The following PIEZO2 variants were observed in gnomAD, a reference collection of about 807,000 sequenced individuals.
PIEZO2 encodes the protein piezo type mechanosensitive ion channel component 2, also known as piezo-type mechanosensitive ion channel component 2.
Under a neutral mutation model 337.3 loss-of-function variants are expected in PIEZO2, and 172 were observed. The observed-to-expected ratio is 0.51, with a 90% confidence interval of 0.45 to 0.58. PIEZO2 has a LOEUF of 0.58. PIEZO2 is among the 20% of genes least tolerant of loss of function. The probability of loss-of-function intolerance (pLI) is 0.00; values close to 1 mark genes in which losing one functional copy is unlikely to be tolerated. For missense variants in PIEZO2, 3,028 were observed against 3,391.3 expected (o/e 0.89, Z 2.66); for synonymous variants, 1,251 against 1,228.5 (o/e 1.02, Z -0.38).
At chr18:10,751,090 T>C (rs1280408179) in intron 28 of PIEZO2, among the ~76,000 whole-genome samples, 2 of 152,246 alleles carry the variant, frequency 1.3e-5, no homozygotes, top group Admixed American at 6.5e-5. Flanking sequence ...AGGCATCCTT[T>C]TGTTTCTCAA....
chr18:10,851,029 A>G (rs959365569), intron 7 of PIEZO2, among the ~76,000 whole-genome samples: 1 of 152,162 alleles, frequency 6.6e-6, no homozygotes, highest in East Asian at 1.9e-4. Context: ...CCAGGAAGTG[A>G]GACAGAAGGG....
intron 43 of PIEZO2, among the ~76,000 whole-genome samples, chr18:10,699,875 T>C (rs9807706): frequency 0.32 from 47,962 of 152,010 alleles, 7,992 homozygotes; most frequent in African/African-American, 0.41. Flanking sequence ...CGCATTTGCT[T>C]CCTAAGACAT....
At chr18:10,799,199 A>T (rs2039716702) in intron 11 of PIEZO2, among the ~76,000 whole-genome samples, 1 of 149,350 alleles carries the variant, frequency 6.7e-6, no homozygotes, top group African/African-American at 2.4e-5. Context: ...CAAATTGGAG[A>T]GCTGTGGCCA....
At position 11,051,845 on chromosome 18, in the gene PIEZO2, C is replaced by G. The variant is rs138179497; in HGVS notation, c.160+14282G>C. 9.2e-5 allele frequency among the ~76,000 whole-genome samples: 14 copies of G among 152,292 alleles called. No individual in the cohort carries two copies. In the South Asian group the frequency reaches 2.9e-3, roughly 32 times the overall value. On this transcript the variant is annotated intron_variant, in intron 2 of 55. Coordinates refer to ENST00000674853, the MANE Select transcript of PIEZO2 (RefSeq NM_001378183.1). ...GAATCAAAAACTAAGAATTTATGAC[C>G]TGGTGCATGACTGGAGGAAGCATCT...
chr18:10,721,464 A>C (rs370615242), intron 36 of PIEZO2, among the ~76,000 whole-genome samples: 9 of 152,210 alleles, frequency 5.9e-5, no homozygotes, highest in African/African-American at 2.2e-4. Flanking sequence ...TGCACAATAA[A>C]TAATCTTTAT....
rs926294268 is a variant in PIEZO2 at position 10,677,007 on chromosome 18, C to A, written c.8081+740G>T. 6.6e-6 allele frequency among the ~76,000 whole-genome samples: 1 copy of A among 152,194 alleles called. No homozygotes were observed. Among genetic ancestry groups the A allele is most frequent in the Non-Finnish European group, 1.5e-5 (1 of 68,032 alleles). On this transcript the variant is annotated intron_variant, in intron 53 of 55. Transcript: ENST00000674853. This position sits in a 1 kb window ranked among gnomAD's most constrained non-coding sequence, Gnocchi z 4.1. ...TGGACCTGCCAGAGCTCCCACACCT[C>A]CAAATCGCATGAGAATCAGCATGAT... is the stretch of plus-strand genomic sequence containing the variant.
At position 10,759,506 on chromosome 18, in the gene PIEZO2, G is replaced by A. The variant is rs1373145384; in HGVS notation, c.3733C>T (p.Arg1245Trp). 12 of 1,536,922 alleles carry A rather than the reference G, an allele frequency of 7.8e-6. No homozygotes were observed. Among genetic ancestry groups the A allele is most frequent in the East Asian group, 2.4e-5 (1 of 40,928 alleles). The change falls in exon 26 of 56, where the codon CGG becomes TGG. Residue 1245 changes from arginine to tryptophan, a missense_variant. By Grantham distance (101) the Arg-to-Trp change is moderately radical (BLOSUM62 -3). Transcript: ENST00000674853. The surrounding 1 kb of genome is among the most constrained non-coding windows in gnomAD (Gnocchi z 5.5). ...CAGACGAGAAACACAGGGTTGGGCC[G>A]CACAATGAAATCTGGGAAGTACAGC... ...KWLYFPDFIV[R>W]PNPVFLVYDF... is the part of the protein sequence containing the mutation.
At position 11,076,642 on chromosome 18, in the gene PIEZO2, C is replaced by T. The variant is rs550322065; in HGVS notation, c.65-10420G>A. Among the ~76,000 whole-genome samples the T allele has an allele frequency of 8.5e-5, 13 of 152,072 alleles. No individual in the cohort carries two copies. In the South Asian group the frequency reaches 2.3e-3, roughly 27 times the overall value. ...TCTGTTATCTATGTCAACATATACA[C>T]TTATCAGATCAAATATTAGCAACAG... On this transcript the variant is annotated intron_variant, in intron 1 of 55. Coordinates refer to ENST00000674853, the MANE Select transcript of PIEZO2 (RefSeq NM_001378183.1).
chr18:10,714,650 G>T (rs2035942046), intron 39 of PIEZO2, 114 bp downstream of exon 39: 3 of 1,173,940 alleles, frequency 2.6e-6, no homozygotes, highest in Non-Finnish European at 3.6e-6. Context: ...AGAGGGTGGG[G>T]GTCCATGCAT....
At chr18:10,801,128 T>A (rs1341671291) in intron 10 of PIEZO2, among the ~76,000 whole-genome samples, 1 of 152,254 alleles carries the variant, frequency 6.6e-6, no homozygotes. Flanking sequence ...CATGCAAAAC[T>A]TCCTACTTAC....
chr18:10,742,351 A>G, intron 32 of PIEZO2, 143 bp downstream of exon 32: 4 of 902,250 alleles, frequency 4.4e-6, no homozygotes, highest in South Asian at 1.8e-5. Context: ...TCCATTCACA[A>G]TGGGAAAATA....
chr18:10,780,034 G>A (rs933019763), intron 18 of PIEZO2, among the ~76,000 whole-genome samples: 3 of 152,148 alleles, frequency 2.0e-5, no homozygotes, highest in African/African-American at 7.2e-5. Flanking sequence ...GAGTTCTCAG[G>A]CAAGCCTTGC....
At chr18:10,991,155 TACACACAC>T (rs374157292) in intron 2 of PIEZO2, among the ~76,000 whole-genome samples, 3,607 of 140,626 alleles carry the variant, frequency 0.026, 70 homozygotes, top group Middle Eastern at 0.054. Flanking sequence ...GAAGGTTTTA[TACACACAC>T]ACACACACAC....
chr18:10,742,887 A>T (rs1221649410), intron 31 of PIEZO2, among the ~76,000 whole-genome samples: 1 of 151,902 alleles, frequency 6.6e-6, no homozygotes, highest in African/African-American at 2.4e-5. Flanking sequence ...ATCAATAATG[A>T]TTATGCTAAA....
rs1484772717 is a variant in PIEZO2, at chr18:11,069,919, A to G, written c.65-3697T>C. 6.6e-6 allele frequency among the ~76,000 whole-genome samples: 1 copy of G among 152,240 alleles called. No individual in the cohort carries two copies. The highest frequency in any genetic ancestry group is 2.4e-5 in the African/African-American group (1 of 41,458). On this transcript the variant is annotated intron_variant, in intron 1 of 55. Coordinates refer to ENST00000674853, the MANE Select transcript of PIEZO2 (RefSeq NM_001378183.1). The surrounding 1 kb of genome is among the most constrained non-coding windows in gnomAD (Gnocchi z 4.9). ...AAGAAATTTAAAAAATCCCATTCAC[A>G]ATAGCTACAAATAATACTTAGAAAT...
rs571487012 is a variant in PIEZO2, at chr18:10,760,994, T to C, written c.3367A>G (p.Ile1123Val). The change falls in exon 24 of 56, where the codon ATT (isoleucine) becomes GTT (valine). Residue 1123 changes from isoleucine to valine, a missense_variant. By Grantham distance (29) the Ile-to-Val change is conservative. Around this residue, in one of 5 missense-constraint regions of PIEZO2, gnomAD observed 1,925 missense variants for 2,051.9 expected, o/e 0.94. Coordinates refer to ENST00000674853, the MANE Select transcript of PIEZO2 (RefSeq NM_001378183.1). ...CCATCATCTAGATGTAGTCTTGTAA[T>C]GTCATGAAAGATAGTTCTAGACACA... ...APVSRTIFHD[I>V]TRLHLDDGLI... 2 of 1,534,198 alleles carry C rather than the reference T, an allele frequency of 1.3e-6. No homozygotes were observed. Among genetic ancestry groups the C allele is most frequent in the Admixed American group, 2.0e-5 (1 of 50,996 alleles).
Position 10,952,901 on chromosome 18 carries a change from T to A in PIEZO2, c.286+26634A>T, listed in dbSNP as rs2033362829. Among the ~76,000 whole-genome samples, 1 of 127,360 alleles carries A rather than the reference T, an allele frequency of 7.9e-6. No individual in the cohort carries two copies. 83.6% of individuals were successfully genotyped at this position (127,360 alleles called of 152,430 possible). A position where few individuals can be genotyped will look rare whatever the true frequency, so the allele number is the denominator to read the frequency against. On this transcript the variant is annotated intron_variant, in intron 3 of 55. Coordinates refer to ENST00000674853, the MANE Select transcript of PIEZO2 (RefSeq NM_001378183.1). This position sits in a 1 kb window ranked among gnomAD's most constrained non-coding sequence, Gnocchi z 4.1. ...TTCCTTCCTTTCATCCCTCCCTCCA[T>A]CCCTCCCTCCCTCCTTCCTTCCTTC...
intron 21 of PIEZO2, among the ~76,000 whole-genome samples, chr18:10,763,832 G>A (rs2038240233): frequency 1.3e-5 from 2 of 152,226 alleles, no homozygotes; most frequent in Admixed American, 1.3e-4. Context: ...ATAGCCCAGG[G>A]AAGATGGGGA....
Position 10,758,140 on chromosome 18 carries a change from A to G in PIEZO2, c.3758-6T>C, listed in dbSNP as rs1047924014. The G allele has an allele frequency of 6.5e-7, 1 of 1,536,996 alleles. No individual in the cohort carries two copies. Among genetic ancestry groups the G allele is most frequent in the African/African-American group, 1.4e-5 (1 of 73,016 alleles). ...CAGAAGCAGCATGAAGTCATCTAAC[A>G]AGACAGAGGTGAGATCATTAAGCCG... On this transcript the variant is annotated splice_region_variant and splice_polypyrimidine_tract_variant and intron_variant, in intron 26 of 55. Coordinates refer to ENST00000674853, the MANE Select transcript of PIEZO2 (RefSeq NM_001378183.1).
Sources: allele counts gnomAD v4.1 joint callset (sites outside exome capture counted in the v4.1 genomes callset), GRCh38; gene constraint gnomAD v4.1.1; regional missense constraint gnomAD v4.1.1; non-coding constraint Gnocchi (gnomAD v3.1); transcripts MANE v1.5; gene names NCBI Gene and HGNC (gene_info 2026-07-23, HGNC 2026-07-21).